CAMK2D: variants seen among roughly 807,000 people sequenced by gnomAD.
The protein encoded by CAMK2D is calcium/calmodulin-dependent protein kinase type II subunit delta.
CAMK2D carries 37 observed loss-of-function variants against 84.0 expected under a neutral mutation model. That is an observed-to-expected ratio of 0.44 (90% CI 0.34 to 0.58). The LOEUF (loss-of-function observed/expected upper bound fraction) is 0.58. CAMK2D is among the 20% of genes least tolerant of loss of function. CAMK2D has a pLI of 0.02. For synonymous variants in CAMK2D, 202 were observed against 212.5 expected, an observed-to-expected ratio of 0.95 and a Z score of 0.43; for missense variants, 448 against 652.5, an observed-to-expected ratio of 0.69 and a Z score of 3.41.
intron 16 of CAMK2D, among the ~76,000 whole-genome samples, chr4:113,496,698 C>T (rs1050326917): frequency 1.3e-5 from 2 of 152,082 alleles, no homozygotes; most frequent in African/African-American, 2.4e-5. Context: ...ATCTGCCTGC[C>T]TCAGCCTCCG....
At chr4:113,524,030 C>T (rs1390461869) in intron 8 of CAMK2D, among the ~76,000 whole-genome samples, 8 of 151,856 alleles carry the variant, frequency 5.3e-5, no homozygotes, top group East Asian at 1.9e-4. Flanking sequence ...CTACCATGCC[C>T]GGCTAATTTT....
chr4:113,532,750 T>C (rs763186636), intron 7 of CAMK2D, among the ~76,000 whole-genome samples: 37 of 152,216 alleles, frequency 2.4e-4, no homozygotes, highest in Non-Finnish European at 5.0e-4. Context: ...TCATTCAACA[T>C]GATTTCATTC....
intron 3 of CAMK2D, among the ~76,000 whole-genome samples, chr4:113,622,056 C>G (rs79194410): frequency 2.0e-5 from 3 of 152,170 alleles, no homozygotes; most frequent in Non-Finnish European, 2.9e-5. Flanking sequence ...AATTAACTTG[C>G]TATTGAGAAA....
rs547851293 is a variant in CAMK2D at position 113,494,514 on chromosome 4, C to T, written c.1135+5949G>A. ...CTGCCTGTTCTCAGATCTCCAGCTG[C>T]GTGCTGGGAGAACCACTGCTCTCTT... is the stretch of plus-strand genomic sequence containing the variant. On this transcript the variant is annotated intron_variant, in intron 16 of 20. Coordinates refer to ENST00000511664, the MANE Select transcript of CAMK2D (RefSeq NM_001321571.2). Among the ~76,000 whole-genome samples, 572 of 152,268 alleles carry T rather than the reference C, an allele frequency of 3.8e-3. 2 individuals carry two copies. Among genetic ancestry groups the T allele is most frequent in the African/African-American group, 0.012 (498 of 41,544 alleles).
At chr4:113,709,507 G>A (rs1275035166) in intron 2 of CAMK2D, among the ~76,000 whole-genome samples, 1 of 151,488 alleles carries the variant, frequency 6.6e-6, no homozygotes, top group Non-Finnish European at 1.5e-5. Context: ...GTACTTAGAA[G>A]GTGAAAGGTA....
chr4:113,461,658 T>C (rs562528683), intron 17 of CAMK2D, among the ~76,000 whole-genome samples: 1 of 152,270 alleles, frequency 6.6e-6, no homozygotes, highest in African/African-American at 2.4e-5. Context: ...ATTTGAAGAA[T>C]GAATGGGAGT....
chr4:113,700,135 G>T (rs936891125), intron 2 of CAMK2D, among the ~76,000 whole-genome samples: 1 of 152,058 alleles, frequency 6.6e-6, no homozygotes, highest in African/African-American at 2.4e-5. Flanking sequence ...CAAGATTGAG[G>T]CAACTTTTCA....
intron 5 of CAMK2D, chr4:113,548,674 CT>C: frequency 6.4e-7 from 1 of 1,566,246 alleles, no homozygotes; most frequent in Non-Finnish European, 8.8e-7. Context: ...TCCCTGTGAA[CT>C]ATGCCATTTA....
intron 16 of CAMK2D, among the ~76,000 whole-genome samples, chr4:113,484,883 G>C (rs939534609): frequency 6.6e-6 from 1 of 152,078 alleles, no homozygotes; most frequent in African/African-American, 2.4e-5. Context: ...TACCTAACTT[G>C]GAAGTCTTCA....
chr4:113,611,778 C>T (rs942914016), intron 3 of CAMK2D, among the ~76,000 whole-genome samples: 2 of 152,108 alleles, frequency 1.3e-5, no homozygotes, highest in Non-Finnish European at 2.9e-5. Flanking sequence ...GATACAAAAG[C>T]ACTTAACCAG....
At chr4:113,648,678 T>C (rs1004436481) in intron 3 of CAMK2D, among the ~76,000 whole-genome samples, 14 of 152,168 alleles carry the variant, frequency 9.2e-5, no homozygotes, top group African/African-American at 3.4e-4. Context: ...TTATGTTGCT[T>C]TTTCAGCAGA....
At chr4:113,598,899 T>A (rs145657935) in intron 4 of CAMK2D, among the ~76,000 whole-genome samples, 6 of 152,242 alleles carry the variant, frequency 3.9e-5, no homozygotes, top group Non-Finnish European at 7.4e-5. Flanking sequence ...AATTCTTGAC[T>A]CAAGTGATCT....
At chr4:113,738,282 T>C (rs1562147140) in intron 2 of CAMK2D, among the ~76,000 whole-genome samples, 1 of 151,854 alleles carries the variant, frequency 6.6e-6, no homozygotes, top group Non-Finnish European at 1.5e-5. Flanking sequence ...AAAATCACTA[T>C]ACTTAGTTCT....
chr4:113,586,673 A>C (rs369583745), intron 4 of CAMK2D, among the ~76,000 whole-genome samples: 1 of 152,188 alleles, frequency 6.6e-6, no homozygotes, highest in Non-Finnish European at 1.5e-5. Context: ...CTTTGGTCCA[A>C]ATAGAACCAG....
chr4:113,614,100 C>T (rs570419209), intron 3 of CAMK2D, among the ~76,000 whole-genome samples: 2 of 152,200 alleles, frequency 1.3e-5, no homozygotes, highest in Admixed American at 6.6e-5. Context: ...AAAAGGCTGA[C>T]AGGATACAAA....
At chr4:113,733,344 TTTAG>T (rs1340426296) in intron 2 of CAMK2D, among the ~76,000 whole-genome samples, 1 of 152,234 alleles carries the variant, frequency 6.6e-6, no homozygotes, top group Non-Finnish European at 1.5e-5. Context: ...GCATTTTTAC[TTTAG>T]TTAGTTTTAA....
chr4:113,730,454 C>T (rs72899855), intron 2 of CAMK2D, among the ~76,000 whole-genome samples: 4,524 of 152,210 alleles, frequency 0.03, 229 homozygotes, highest in African/African-American at 0.1. Flanking sequence ...CTAAGGTACT[C>T]ATAGATAGTA....
chr4:113,569,592 T>C (rs775255522), intron 4 of CAMK2D, among the ~76,000 whole-genome samples: 128 of 152,336 alleles, frequency 8.4e-4, no homozygotes, highest in Non-Finnish European at 1.3e-3. Flanking sequence ...CAAAACAATA[T>C]ACCTGTTACC....
At chr4:113,755,181 C>CAT in intron 2 of CAMK2D, 1 of 231,494 alleles carries the variant, frequency 4.3e-6, no homozygotes, top group East Asian at 1.8e-4. Context: ...GATACACACA[C>CAT]ACACACACAC....
Sources: allele counts gnomAD v4.1 joint callset (sites outside exome capture counted in the v4.1 genomes callset), GRCh38; gene constraint gnomAD v4.1.1; transcripts MANE v1.5; gene names NCBI Gene and HGNC (gene_info 2026-07-23, HGNC 2026-07-21).